CFAP299: variants seen among roughly 807,000 people sequenced by gnomAD.
CFAP299 encodes the protein cilia- and flagella-associated protein 299.
A neutral mutation model predicts 27.0 loss-of-function variants in CFAP299; 21 were observed. The observed-to-expected ratio is 0.78, with a 90% CI of 0.55 to 1.12. The LOEUF is 1.12. CFAP299 is among the 50% of genes most tolerant of loss of function. The pLI is 0.00. For missense variants in CFAP299, 310 were observed against 276.6 expected (o/e 1.12, Z -0.86); for synonymous variants, 104 against 98.1 (o/e 1.06, Z -0.36).
At chr4:80,898,394 T>A (rs988463962) in intron 4 of CFAP299, among the ~76,000 whole-genome samples, 10 of 151,882 alleles carry the variant, frequency 6.6e-5, no homozygotes, top group Admixed American at 6.6e-4. Flanking sequence ...CTCTCTAACA[T>A]CCAAACTTAG....
intron 3 of CFAP299, among the ~76,000 whole-genome samples, chr4:80,705,756 T>A (rs1330311619): frequency 1.3e-5 from 2 of 151,890 alleles, no homozygotes; most frequent in African/African-American, 2.4e-5. Flanking sequence ...TTAACCTAAT[T>A]ATCTAACAAT....
At chr4:80,347,187 G>T (rs936931036) in intron 1 of CFAP299, among the ~76,000 whole-genome samples, 11 of 152,160 alleles carry the variant, frequency 7.2e-5, no homozygotes, top group Admixed American at 6.5e-4. Flanking sequence ...AGACGATGGG[G>T]TTTTCTAAAT....
At chr4:80,666,319 C>T (rs1741140845) in intron 3 of CFAP299, among the ~76,000 whole-genome samples, 2 of 152,032 alleles carry the variant, frequency 1.3e-5, no homozygotes, top group African/African-American at 4.8e-5. Context: ...CTACCTCTTC[C>T]TTTTTTCCAT....
rs974704461 is a variant in CFAP299 at position 80,535,450 on chromosome 4, C to G, written c.243-47643C>G. The stretch of plus-strand genomic sequence containing the variant: ...GCGGAGCTTGCAGTGAGCCGAGATC[C>G]CGCCACTGCACTCCAGCCTGGGCGA... On this transcript the variant is annotated intron_variant, in intron 2 of 5. Coordinates refer to ENST00000358105, the MANE Select transcript of CFAP299 (RefSeq NM_152770.3). Among the ~76,000 whole-genome samples, 2 of 69,766 alleles carry G rather than the reference C, an allele frequency of 2.9e-5. 1 individual carries two copies. The highest frequency in any genetic ancestry group is 1.2e-3 in the South Asian group (2 of 1,710). 45.8% of individuals were successfully genotyped at this position (69,766 alleles called of 152,430 possible).
intron 2 of CFAP299, among the ~76,000 whole-genome samples, chr4:80,493,683 C>T (rs938411187): frequency 6.6e-6 from 1 of 151,052 alleles, no homozygotes; most frequent in African/African-American, 2.4e-5. Flanking sequence ...ACCATAGCTA[C>T]AGACTACTCA....
chr4:80,395,035 T>C (rs1413262652), intron 2 of CFAP299, among the ~76,000 whole-genome samples: 1 of 152,110 alleles, frequency 6.6e-6, no homozygotes, highest in Non-Finnish European at 1.5e-5. Flanking sequence ...TTTTTGACAA[T>C]ATTAATTATT....
At chr4:80,625,543 A>G (rs1319795926) in intron 3 of CFAP299, among the ~76,000 whole-genome samples, 2 of 152,072 alleles carry the variant, frequency 1.3e-5, no homozygotes. Context: ...AATTACTTTG[A>G]ATGTAAATGG....
chr4:80,742,231 T>G (rs1360485534), intron 3 of CFAP299, among the ~76,000 whole-genome samples: 1 of 152,158 alleles, frequency 6.6e-6, no homozygotes, highest in African/African-American at 2.4e-5. Flanking sequence ...AAATTTGATA[T>G]TCCAGCAGGG....
At chr4:80,858,931 T>A (rs1376567656) in intron 3 of CFAP299, among the ~76,000 whole-genome samples, 1 of 152,192 alleles carries the variant, frequency 6.6e-6, no homozygotes, top group Non-Finnish European at 1.5e-5. Context: ...TAGGTCCGCT[T>A]GGTGCAGAGC....
chr4:80,797,656 C>G (rs549009555), intron 3 of CFAP299, among the ~76,000 whole-genome samples: 208 of 152,246 alleles, frequency 1.4e-3, no homozygotes, highest in African/African-American at 4.5e-3. Context: ...ACTGTTAGGT[C>G]TGACATACAG....
intron 5 of CFAP299, among the ~76,000 whole-genome samples, chr4:80,951,651 T>C (rs1737785129): frequency 6.6e-6 from 1 of 152,212 alleles, no homozygotes; most frequent in African/African-American, 2.4e-5. Flanking sequence ...AATCCATCTA[T>C]GGTGAGTCCC....
intron 3 of CFAP299, among the ~76,000 whole-genome samples, chr4:80,698,627 C>A (rs1721264054): frequency 6.6e-6 from 1 of 152,082 alleles, no homozygotes; most frequent in African/African-American, 2.4e-5. Flanking sequence ...TCTTGTACCA[C>A]AATAAAGAAA....
chr4:80,479,340 A>ATC (rs1416694772), intron 2 of CFAP299, among the ~76,000 whole-genome samples: 2 of 152,012 alleles, frequency 1.3e-5, no homozygotes, highest in African/African-American at 2.4e-5. Flanking sequence ...ATTTGGAGGT[A>ATC]TCTCTTTCAT....
chr4:80,828,804 C>T (rs1730134254), intron 3 of CFAP299, among the ~76,000 whole-genome samples: 1 of 151,984 alleles, frequency 6.6e-6, no homozygotes, highest in Non-Finnish European at 1.5e-5. Context: ...TATAGCACTG[C>T]AAGAATGGCC....
intron 2 of CFAP299, among the ~76,000 whole-genome samples, chr4:80,452,949 G>A (rs1393286102): frequency 2.6e-5 from 4 of 152,146 alleles, no homozygotes; most frequent in African/African-American, 9.7e-5. Context: ...AAAACAGATG[G>A]CCATGATGAT....
chr4:80,712,154 T>A (rs1452393730), intron 3 of CFAP299, among the ~76,000 whole-genome samples: 1 of 152,138 alleles, frequency 6.6e-6, no homozygotes, highest in Non-Finnish European at 1.5e-5. Context: ...AGGCTAATGG[T>A]GCAAGTCACT....
At chr4:80,418,358 G>C (rs1365516948) in intron 2 of CFAP299, among the ~76,000 whole-genome samples, 1 of 151,960 alleles carries the variant, frequency 6.6e-6, no homozygotes, top group African/African-American at 2.4e-5. Context: ...TTAAAAAAAA[G>C]TGTTATACAT....
At chr4:80,624,379 A>G (rs1738770696) in intron 3 of CFAP299, among the ~76,000 whole-genome samples, 2 of 152,086 alleles carry the variant, frequency 1.3e-5, no homozygotes, top group South Asian at 4.1e-4. Flanking sequence ...GATGGCATCA[A>G]CAGCAGAAAT....
chr4:80,836,099 C>A (rs1730546483), intron 3 of CFAP299, among the ~76,000 whole-genome samples: 1 of 152,158 alleles, frequency 6.6e-6, no homozygotes, highest in African/African-American at 2.4e-5. Flanking sequence ...TTGCTTAATT[C>A]ATTAACTATT....
Sources: allele counts gnomAD v4.1 joint callset (sites outside exome capture counted in the v4.1 genomes callset), GRCh38; gene constraint gnomAD v4.1.1; transcripts MANE v1.5; gene names NCBI Gene and HGNC (gene_info 2026-07-23, HGNC 2026-07-21).